Variants in TRIM71 observed in about 807,000 individuals in gnomAD.
TRIM71 encodes E3 ubiquitin-protein ligase TRIM71.
In TRIM71, 9 loss-of-function variants were observed where a neutral mutation model predicts 61.2. That is an observed-to-expected ratio of 0.15 (90% CI 0.09 to 0.26). The LOEUF (loss-of-function observed/expected upper bound fraction) is 0.26. TRIM71 is among the 10% of genes least tolerant of loss of function. The probability of loss-of-function intolerance (pLI) is 1.00; values close to 1 mark genes in which losing one functional copy is unlikely to be tolerated. For missense variants in TRIM71, 998 were observed against 1,238.7 expected (o/e 0.81, Z 2.92); for synonymous variants, 645 against 553.2 (o/e 1.17, Z -2.33).
At chr3:32,831,790 G>A (rs1696274406) in intron 1 of TRIM71, among the ~76,000 whole-genome samples, 1 of 152,020 alleles carries the variant, frequency 6.6e-6, no homozygotes, top group Non-Finnish European at 1.5e-5. Flanking sequence ...GCCCTCCTTG[G>A]CCTCCCGAAG....
chr3:32,846,225 AC>A (rs1463423394), intron 1 of TRIM71, among the ~76,000 whole-genome samples: 2 of 150,722 alleles, frequency 1.3e-5, no homozygotes, highest in East Asian at 4.0e-4. Context: ...ACAGGCGCCT[AC>A]CACCATGCCT....
At chr3:32,859,223 AAG>A (rs2125684426) in intron 1 of TRIM71, among the ~76,000 whole-genome samples, 1 of 152,254 alleles carries the variant, frequency 6.6e-6, no homozygotes, top group African/African-American at 2.4e-5. Flanking sequence ...CATTTGCAAA[AAG>A]AGGAAAAACA....
rs921774327 is a variant in TRIM71 at position 32,835,450 on chromosome 3, G to A, written c.852+16518G>A. Among the ~76,000 whole-genome samples, 140 of 152,060 alleles carry A rather than the reference G, an allele frequency of 9.2e-4. 1 individual carries two copies. Among genetic ancestry groups the A allele is most frequent in the African/African-American group, 3.3e-3 (135 of 41,520 alleles). ...CGGATCAATGAATGCTTAATCAAAA[G>A]TATGTTAACACTTGATAGGAGTGAA... On this transcript the variant is annotated intron_variant, in intron 1 of 3. Coordinates refer to ENST00000383763, the MANE Select transcript of TRIM71 (RefSeq NM_001039111.3).
chr3:32,823,505 A>T (rs1696163237), intron 1 of TRIM71, among the ~76,000 whole-genome samples: 1 of 152,240 alleles, frequency 6.6e-6, no homozygotes, highest in South Asian at 2.1e-4. Context: ...CATAGATTTG[A>T]TACAAGATTT....
chr3:32,872,297 C>T (rs1255903420), intron 1 of TRIM71, among the ~76,000 whole-genome samples: 1 of 152,150 alleles, frequency 6.6e-6, no homozygotes, highest in Non-Finnish European at 1.5e-5. Context: ...TTTAACCCAT[C>T]CTAGATTACA....
intron 1 of TRIM71, among the ~76,000 whole-genome samples, chr3:32,862,809 G>T (rs1365152497): frequency 6.6e-6 from 1 of 152,188 alleles, no homozygotes; most frequent in Non-Finnish European, 1.5e-5. Flanking sequence ...CGGCAGCTGG[G>T]ACACTAATGA....
At chr3:32,886,181 C>T in intron 3 of TRIM71, 113 bp downstream of exon 3, 2 of 1,323,254 alleles carry the variant, frequency 1.5e-6, no homozygotes, top group Non-Finnish European at 2.0e-6. Context: ...GTTTAAAACA[C>T]TTCGTAATTT....
At chr3:32,838,016 C>T (rs905868935) in intron 1 of TRIM71, among the ~76,000 whole-genome samples, 6 of 152,054 alleles carry the variant, frequency 3.9e-5, no homozygotes, top group Non-Finnish European at 8.8e-5. Flanking sequence ...GAATTTTGCT[C>T]AATCAACACA....
At position 32,890,973 on chromosome 3, in the gene TRIM71, G is replaced by C. The variant is rs756801325; in HGVS notation, c.1769G>C (p.Gly590Ala). Residue 590 changes from glycine (G) to alanine (A), a missense_variant, in exon 4 of 4, where the codon GGG (glycine) becomes GCG (alanine). This residue lies in a region of TRIM71 where 291 missense variants were observed against 431.2 expected (regional missense o/e 0.67). Transcript: ENST00000383763. This position sits in a 1 kb window ranked among gnomAD's most constrained non-coding sequence, Gnocchi z 6.2. ...TCAGGCCGCAGCTACGTGGGCATTG[G>C]GCTCCCGGGCCTGAGCTTCGGCAGT... The part of the protein sequence containing the change: ...VKSGRSYVGI[G>A]LPGLSFGSEG... The C allele has an allele frequency of 1.9e-6, 3 of 1,614,184 alleles. No homozygotes were observed. The East Asian group carries it at 6.7e-5, about 36-fold the overall frequency.
intron 1 of TRIM71, among the ~76,000 whole-genome samples, chr3:32,825,256 A>G (rs1575340004): frequency 6.6e-6 from 1 of 152,190 alleles, no homozygotes; most frequent in Admixed American, 6.5e-5. Flanking sequence ...TCGTGCATAT[A>G]TAGTAAGGGA....
intron 2 of TRIM71, among the ~76,000 whole-genome samples, chr3:32,876,953 A>G (rs900740935): frequency 1.3e-5 from 2 of 152,074 alleles, no homozygotes; most frequent in African/African-American, 2.4e-5. Context: ...GTATGATTCA[A>G]ATGTTAGTTG....
At chr3:32,839,238 GTT>G (rs200087991) in intron 1 of TRIM71, among the ~76,000 whole-genome samples, 2 of 150,888 alleles carry the variant, frequency 1.3e-5, no homozygotes, top group African/African-American at 2.4e-5. Flanking sequence ...AGTGACATGA[GTT>G]TTTTTTTGAG....
intron 1 of TRIM71, among the ~76,000 whole-genome samples, chr3:32,843,056 C>T (rs994012937): frequency 6.6e-6 from 1 of 152,136 alleles, no homozygotes; most frequent in Non-Finnish European, 1.5e-5. Context: ...GGGTGTTGGC[C>T]ACAGCCCCTC....
At chr3:32,881,146 G>A (rs191229594) in intron 2 of TRIM71, among the ~76,000 whole-genome samples, 2 of 152,172 alleles carry the variant, frequency 1.3e-5, no homozygotes, top group African/African-American at 4.8e-5. Flanking sequence ...AGCCTCCTGA[G>A]TAGTTGGGAT....
Position 32,891,394 on chromosome 3 carries a change from T to A in TRIM71, c.2190T>A (p.Asp730Glu), listed in dbSNP as rs1275203149. The change falls in exon 4 of 4, where the codon GAT becomes GAA. Residue 730 changes from aspartate to glutamate, a missense_variant. Physicochemically the swap from Asp to Glu is conservative, Grantham distance 45 (BLOSUM62 2). Around this residue, in one of 5 missense-constraint regions of TRIM71, gnomAD observed 83 missense variants for 202.7 expected, o/e 0.41. Coordinates refer to ENST00000383763, the MANE Select transcript of TRIM71 (RefSeq NM_001039111.3). The surrounding 1 kb of genome is among the most constrained non-coding windows in gnomAD (Gnocchi z 8.2). ...ACCGGATCCAGCTGTTTGGGCCTGA[T>A]GGTGTCTTCCTAAACAAGTATGGCT... ...RNHRIQLFGP[D>E]GVFLNKYGFE... The A allele has an allele frequency of 1.9e-6, 3 of 1,614,148 alleles. No individual in the cohort carries two copies. Among genetic ancestry groups the A allele is most frequent in the Non-Finnish European group, 2.5e-6 (3 of 1,180,030 alleles).
At chr3:32,848,950 T>C in intron 1 of TRIM71, among the ~76,000 whole-genome samples, 1 of 152,182 alleles carries the variant, frequency 6.6e-6, no homozygotes, top group Non-Finnish European at 1.5e-5. Context: ...ATGAGTTCCC[T>C]GAAGCTCTGG....
Position 32,896,133 on chromosome 3 carries a change from A to C in TRIM71, c.*4322A>C, listed in dbSNP as rs929372574. 2.6e-5 allele frequency: 4 copies of C among 152,232 alleles called. No homozygotes were observed. The highest frequency in any genetic ancestry group is 5.9e-5 in the Non-Finnish European group (4 of 68,040). The allele number at this position is 152,232 out of a possible 1,614,324, so 9.4% of individuals were successfully genotyped here. On this transcript the variant is annotated 3_prime_UTR_variant, in exon 4 of 4. Coordinates refer to ENST00000383763, the MANE Select transcript of TRIM71 (RefSeq NM_001039111.3). ...TTAATCTGACCTATTGGAGGACTTA[A>C]CTACAAATAAAGACCTTTAGGTCTC...
intron 1 of TRIM71, among the ~76,000 whole-genome samples, chr3:32,855,464 T>A (rs1167558171): frequency 1.3e-5 from 2 of 151,894 alleles, no homozygotes; most frequent in African/African-American, 4.8e-5. Context: ...AGGAGTGAAG[T>A]GGGGGAGCCT....
chr3:32,853,240 C>G (rs1307755154), intron 1 of TRIM71, among the ~76,000 whole-genome samples: 1 of 151,870 alleles, frequency 6.6e-6, no homozygotes, highest in East Asian at 1.9e-4. Flanking sequence ...CCTCAGCCTC[C>G]CGAGTAGCTG....
Sources: allele counts gnomAD v4.1 joint callset (sites outside exome capture counted in the v4.1 genomes callset), GRCh38; gene constraint gnomAD v4.1.1; regional missense constraint gnomAD v4.1.1; non-coding constraint Gnocchi (gnomAD v3.1); transcripts MANE v1.5; gene names NCBI Gene and HGNC (gene_info 2026-07-23, HGNC 2026-07-21).